CGNL1: variants seen among roughly 807,000 people sequenced by gnomAD.
CGNL1 encodes cingulin like 1, also known as cingulin-like protein 1.
In CGNL1, 132 loss-of-function variants were observed where a neutral mutation model predicts 141.2. The observed-to-expected ratio is 0.93, with a 90% CI of 0.81 to 1.08. The LOEUF (loss-of-function observed/expected upper bound fraction) is 1.08. Among genes scored for constraint, CGNL1 ranks in the 50% least tolerant of loss-of-function variants. The pLI, the probability that CGNL1 is intolerant of heterozygous loss-of-function variation, is 0.00. For synonymous variants in CGNL1, 690 were observed against 622.1 expected, an observed-to-expected ratio of 1.11 and a Z score of -1.63; for missense variants, 1,870 against 1,588.6, an observed-to-expected ratio of 1.18 and a Z score of -3.01.
At chr15:57,542,650 T>C (rs1270710075) in intron 14 of CGNL1, among the ~76,000 whole-genome samples, 1 of 152,254 alleles carries the variant, frequency 6.6e-6, no homozygotes, top group Non-Finnish European at 1.5e-5. Flanking sequence ...TCTAGCAGTG[T>C]CTGAGATATG....
intron 4 of CGNL1, among the ~76,000 whole-genome samples, chr15:57,443,311 CT>C (rs1209133756): frequency 1.3e-5 from 2 of 152,178 alleles, no homozygotes; most frequent in African/African-American, 4.8e-5. Context: ...TCAGACACAC[CT>C]GGTGCCCTGG....
chr15:57,534,509 T>C (rs2032139955), intron 14 of CGNL1, among the ~76,000 whole-genome samples: 1 of 152,208 alleles, frequency 6.6e-6, no homozygotes, highest in Non-Finnish European at 1.5e-5. Flanking sequence ...CAAGGCTTAT[T>C]TCCTGCCTCT....
chr15:57,433,338 A>C (rs1008427654), intron 1 of CGNL1, among the ~76,000 whole-genome samples: 1 of 152,222 alleles, frequency 6.6e-6, no homozygotes, highest in Non-Finnish European at 1.5e-5. Context: ...AAACCAGATA[A>C]GTTTAGAAGT....
At chr15:57,469,282 G>A (rs2063550133) in intron 8 of CGNL1, among the ~76,000 whole-genome samples, 1 of 151,688 alleles carries the variant, frequency 6.6e-6, no homozygotes. Flanking sequence ...GGCTGTACTG[G>A]GAATGGAAAG....
intron 13 of CGNL1, among the ~76,000 whole-genome samples, chr15:57,530,257 G>A (rs1189893796): frequency 2.6e-5 from 4 of 152,218 alleles, no homozygotes; most frequent in Non-Finnish European, 5.9e-5. Flanking sequence ...TGACTAAAGA[G>A]ATCGTTTCCT....
At chr15:57,470,489 T>G (rs1425071212) in intron 8 of CGNL1, among the ~76,000 whole-genome samples, 1 of 151,966 alleles carries the variant, frequency 6.6e-6, no homozygotes, top group African/African-American at 2.4e-5. Context: ...GGCTGGGTAA[T>G]GGACAGATCT....
chr15:57,517,996 T>TAAAAAAA lies in CGNL1; in HGVS notation c.2611-388_2611-382dup, dbSNP rs61279417. Among the ~76,000 whole-genome samples, 3 of 147,312 alleles carry TAAAAAAA rather than the reference T, an allele frequency of 2.0e-5. No individual in the cohort carries two copies. The South Asian group carries it at 6.5e-4, about 32-fold the overall frequency. On this transcript the variant is annotated intron_variant, in intron 9 of 18. Transcript: ENST00000281282. ...CAGGAATAAGGCCAGATATTTCTAT[T>TAAAAAAA]AAAAAAAAAAAAAAATACCCCAGCT...
intron 14 of CGNL1, among the ~76,000 whole-genome samples, chr15:57,539,039 G>A (rs574127483): frequency 4.6e-5 from 7 of 152,210 alleles, no homozygotes; most frequent in South Asian, 4.1e-4. Flanking sequence ...CCCGCCCAGC[G>A]CCCAGCTTGA....
At chr15:57,402,676 A>C (rs2062673538) in intron 1 of CGNL1, 1 of 152,216 alleles carries the variant, frequency 6.6e-6, no homozygotes, top group Non-Finnish European at 1.5e-5. Context: ...CTCCAACACC[A>C]TCTTGAAGGT....
rs1491455852 is a variant in CGNL1 at position 57,442,182 on chromosome 15, G to GGAAAAAAAAAAAAAAA, written c.1698-191_1698-190insGAAAAAAAAAAAAAAA. On this transcript the variant is annotated intron_variant, in intron 3 of 18. Transcript: ENST00000281282. Reference sequence around the variant, plus strand: ...TTGAGTGGTAACACATCATTTATTTGAAAAAAAAAAAAAAAAAAAAAGACA... The same window carrying GGAAAAAAAAAAAAAAA: ...TTGAGTGGTAACACATCATTTATTTGGAAAAAAAAAAAAAAAAAAAAAAAAAAAAAAAAAAAAGACA... Among the ~76,000 whole-genome samples, 49 of 96,490 alleles carry GGAAAAAAAAAAAAAAA rather than the reference G, an allele frequency of 5.1e-4. 4 individuals are homozygous for GGAAAAAAAAAAAAAAA. Among genetic ancestry groups the GGAAAAAAAAAAAAAAA allele is most frequent in the Middle Eastern group, 0.011 (2 of 182 alleles). The allele number at this position is 96,490 out of a possible 152,430, so 63.3% of individuals were successfully genotyped here.
intron 4 of CGNL1, among the ~76,000 whole-genome samples, chr15:57,444,293 G>A (rs901753181): frequency 2.0e-5 from 3 of 152,132 alleles, no homozygotes; most frequent in African/African-American, 7.2e-5. Context: ...GTATCGAAAT[G>A]TAATTTTCCA....
At chr15:57,514,658 T>G (rs1233192397) in intron 8 of CGNL1, among the ~76,000 whole-genome samples, 1 of 152,232 alleles carries the variant, frequency 6.6e-6, no homozygotes. Context: ...ACTTTTGGTG[T>G]TGTAGCTAAG....
chr15:57,491,657 G>A (rs1272472106), intron 8 of CGNL1, among the ~76,000 whole-genome samples: 1 of 152,152 alleles, frequency 6.6e-6, no homozygotes, highest in African/African-American at 2.4e-5. Context: ...GAATAGTAAC[G>A]GGATAATGAT....
At chr15:57,539,140 T>C (rs1028136494) in intron 14 of CGNL1, among the ~76,000 whole-genome samples, 1 of 152,132 alleles carries the variant, frequency 6.6e-6, no homozygotes, top group African/African-American at 2.4e-5. Flanking sequence ...GCTGGCCGTT[T>C]ATTGTCTTCT....
intron 18 of CGNL1, among the ~76,000 whole-genome samples, chr15:57,547,139 C>T (rs1294207124): frequency 1.3e-5 from 2 of 152,232 alleles, no homozygotes; most frequent in African/African-American, 4.8e-5. Flanking sequence ...CAGCCTGGCC[C>T]ACCCCACCAG....
At chr15:57,482,215 T>C (rs1312294799) in intron 8 of CGNL1, among the ~76,000 whole-genome samples, 1 of 152,160 alleles carries the variant, frequency 6.6e-6, no homozygotes, top group African/African-American at 2.4e-5. Flanking sequence ...TTCCAATCTC[T>C]AGTAAAACAA....
intron 8 of CGNL1, among the ~76,000 whole-genome samples, chr15:57,516,158 C>CAAAAAA (rs10559176): frequency 1.2e-4 from 9 of 73,268 alleles, no homozygotes; most frequent in African/African-American, 3.7e-4. Context: ...GACTCTGTCT[C>CAAAAAA]AAAAAAAAAA....
chr15:57,511,788 A>C (rs1468538895), intron 8 of CGNL1, among the ~76,000 whole-genome samples: 3 of 152,242 alleles, frequency 2.0e-5, no homozygotes, highest in African/African-American at 7.2e-5. Flanking sequence ...TTGGAGTGGC[A>C]GAGGAATCGA....
At chr15:57,437,644 A>G (rs1476706703) in intron 1 of CGNL1, among the ~76,000 whole-genome samples, 2 of 144,826 alleles carry the variant, frequency 1.4e-5, no homozygotes, top group East Asian at 4.5e-4. Flanking sequence ...AAAAAAAAAA[A>G]AAAAAGGCAA....
Sources: gnomAD v4.1 joint callset for allele counts (sites outside exome capture counted in the v4.1 genomes callset) on GRCh38, gnomAD v4.1.1 for gene constraint, MANE v1.5 for transcripts, NCBI Gene and HGNC (gene_info 2026-07-23, HGNC 2026-07-21) for gene names.